SYT14: variants seen among roughly 807,000 people sequenced by gnomAD.
SYT14 encodes synaptotagmin 14, also known as synaptotagmin-14.
In SYT14, 32 loss-of-function variants were observed where a neutral mutation model predicts 74.2. The ratio of observed to expected loss-of-function variants is 0.43; its 90% CI spans 0.33 to 0.58. The LOEUF (loss-of-function observed/expected upper bound fraction) is 0.58, where lower values mean the gene tolerates loss of function less well. Ranked by LOEUF, SYT14 falls within the 20% of genes least tolerant of loss-of-function variation. The pLI, the probability that SYT14 is intolerant of heterozygous loss-of-function variation, is 0.05. For synonymous variants in SYT14, 298 were observed against 337.7 expected (o/e 0.88, Z 1.29); for missense variants, 791 against 981.8 (o/e 0.81, Z 2.60).
At chr1:210,009,321 T>G (rs2080044003) in intron 2 of SYT14, among the ~76,000 whole-genome samples, 1 of 152,184 alleles carries the variant, frequency 6.6e-6, no homozygotes, top group South Asian at 2.1e-4. Context: ...AAAATAAGCC[T>G]GAAGATTTTT....
At chr1:210,084,021 A>G (rs1443054131) in intron 5 of SYT14, among the ~76,000 whole-genome samples, 1 of 152,168 alleles carries the variant, frequency 6.6e-6, no homozygotes, top group African/African-American at 2.4e-5. Flanking sequence ...ATAATTTTTG[A>G]AAATCTATAG....
intron 4 of SYT14, chr1:210,017,134 T>C: frequency 8.9e-7 from 1 of 1,123,940 alleles, no homozygotes; most frequent in African/African-American, 3.0e-5. Context: ...AGTGATTAAA[T>C]TTTCTCTTGA....
chr1:210,024,561 T>TA (rs1288166663), intron 5 of SYT14, among the ~76,000 whole-genome samples: 2 of 145,320 alleles, frequency 1.4e-5, no homozygotes, highest in Non-Finnish European at 3.1e-5. Context: ...GAATAAGAGA[T>TA]ATAATAAGTG....
intron 2 of SYT14, among the ~76,000 whole-genome samples, chr1:210,000,083 A>G (rs1243495537): frequency 6.6e-6 from 1 of 152,232 alleles, no homozygotes; most frequent in Non-Finnish European, 1.5e-5. Flanking sequence ...TTTTTATTTT[A>G]CAGATATTTG....
intron 2 of SYT14, among the ~76,000 whole-genome samples, chr1:209,996,146 A>C (rs1261465470): frequency 1.3e-5 from 2 of 152,118 alleles, no homozygotes; most frequent in Non-Finnish European, 2.9e-5. Context: ...AATTTAATGA[A>C]ATTGAGCTAC....
At chr1:210,041,678 A>T (rs867512847) in intron 5 of SYT14, among the ~76,000 whole-genome samples, 3 of 152,170 alleles carry the variant, frequency 2.0e-5, no homozygotes, top group South Asian at 2.1e-4. Flanking sequence ...AGAAGAAATC[A>T]TAAACTTAAA....
intron 7 of SYT14, among the ~76,000 whole-genome samples, chr1:210,142,617 A>T (rs2082939895): frequency 6.6e-6 from 1 of 152,166 alleles, no homozygotes; most frequent in Non-Finnish European, 1.5e-5. Flanking sequence ...CATTCAGTTA[A>T]GGAAAACTAA....
chr1:210,150,343 A>G (rs1430518225), intron 7 of SYT14, among the ~76,000 whole-genome samples: 2 of 152,194 alleles, frequency 1.3e-5, no homozygotes, highest in Non-Finnish European at 2.9e-5. Context: ...TCCCTTTGAT[A>G]CACTCGGTAT....
At chr1:210,161,794 C>T (rs1202979214) in exon 10 of SYT14, 2 of 453,770 alleles carry the variant, frequency 4.4e-6, no homozygotes, top group Admixed American at 2.4e-5. Context: ...TGTAGAACTA[C>T]GTAACTTTCT....
chr1:210,031,790 T>G (rs1312224712), intron 5 of SYT14, among the ~76,000 whole-genome samples: 1 of 152,150 alleles, frequency 6.6e-6, no homozygotes, highest in Admixed American at 6.6e-5. Flanking sequence ...TTGTTATAGC[T>G]TTTACCTGAT....
chr1:209,966,160 G>A (rs935510781), intron 2 of SYT14: 22 of 288,092 alleles, frequency 7.6e-5, no homozygotes, highest in Non-Finnish European at 1.4e-4. Context: ...ATGAGCCACC[G>A]CGCCCGTTCT....
At chr1:210,102,693 G>A (rs2082089107) in intron 7 of SYT14, among the ~76,000 whole-genome samples, 1 of 152,024 alleles carries the variant, frequency 6.6e-6, no homozygotes, top group African/African-American at 2.4e-5. Flanking sequence ...CCCAGAGTCA[G>A]GGTCTCACTC....
At chr1:210,110,978 A>T (rs530338565) in intron 7 of SYT14, among the ~76,000 whole-genome samples, 81 of 152,316 alleles carry the variant, frequency 5.3e-4, no homozygotes, top group African/African-American at 1.7e-3. Flanking sequence ...TCCCGACTTC[A>T]GGTGATCTGC....
exon 10 of SYT14, chr1:210,168,966 G>A (rs2083487581): frequency 6.6e-6 from 1 of 152,142 alleles, no homozygotes; most frequent in South Asian, 2.1e-4. Flanking sequence ...AATTCTAATG[G>A]AGTAGAAGCC....
chr1:210,015,544 A>G (rs954018526), intron 3 of SYT14: 2 of 152,776 alleles, frequency 1.3e-5, no homozygotes, highest in African/African-American at 4.8e-5. Context: ...AATTGTTTAG[A>G]TATTTCTCTT....
At chr1:210,098,238 C>G (rs574513566) in intron 6 of SYT14, among the ~76,000 whole-genome samples, 2 of 151,974 alleles carry the variant, frequency 1.3e-5, no homozygotes, top group South Asian at 2.1e-4. Flanking sequence ...GAAGCACTCT[C>G]CCGACCTAAA....
chr1:210,081,090 G>A (rs1432230682), intron 5 of SYT14, among the ~76,000 whole-genome samples: 2 of 152,136 alleles, frequency 1.3e-5, no homozygotes, highest in Non-Finnish European at 2.9e-5. Context: ...GTACGGCTGT[G>A]ACTGGATTGA....
At chr1:210,025,666 C>A (rs779234376) in intron 5 of SYT14, among the ~76,000 whole-genome samples, 1 of 152,048 alleles carries the variant, frequency 6.6e-6, no homozygotes, top group Non-Finnish European at 1.5e-5. Flanking sequence ...TTAGGAGAGA[C>A]CAGTGCAAGA....
intron 8 of SYT14, among the ~76,000 whole-genome samples, chr1:210,156,711 T>TTTTTGG (rs2083275402): frequency 1.1e-5 from 1 of 93,514 alleles, no homozygotes; most frequent in Non-Finnish European, 1.9e-5. Flanking sequence ...TTTTTTTTTT[T>TTTTTGG]GGAGACAGTT....
Sources: allele counts gnomAD v4.1 joint callset (sites outside exome capture counted in the v4.1 genomes callset), GRCh38; gene constraint gnomAD v4.1.1; transcripts MANE v1.5; gene names NCBI Gene and HGNC (gene_info 2026-07-23, HGNC 2026-07-21).